Variants in PDS5A observed in about 807,000 individuals in gnomAD.
PDS5A encodes PDS5 cohesin associated factor A, also known as sister chromatid cohesion protein PDS5 homolog A.
Under a neutral mutation model 167.1 loss-of-function variants are expected in PDS5A, and 42 were observed. The ratio of observed to expected loss-of-function variants is 0.25; its 90% CI spans 0.20 to 0.33. The LOEUF (loss-of-function observed/expected upper bound fraction) is 0.33. Among genes scored for constraint, PDS5A ranks in the 10% least tolerant of loss-of-function variants. The pLI is 1.00. For synonymous variants in PDS5A, 553 were observed against 554.6 expected (o/e 1.00, Z 0.04); for missense variants, 1,033 against 1,605.9 (o/e 0.64, Z 6.10).
intron 17 of PDS5A, 26 bp downstream of exon 17, chr4:39,890,223 T>C (rs1440267134): frequency 8.3e-7 from 1 of 1,208,850 alleles, no homozygotes; most frequent in South Asian, 1.4e-5. Context: ...TTATTTATTT[T>C]TGAGCGAATA....
rs766980529 is a variant in PDS5A, at chr4:39,908,440, A to G, written c.1188T>C (p.Asn396=). The change falls in exon 11 of 33, where the codon AAT becomes AAC. Residue 396 remains asparagine, a synonymous_variant. Transcript: ENST00000303538. ...TAAKRDLALV[N]DQLLGFVRER... Reference sequence around the variant, plus strand: ...CCCTTACAAAGCCAAGCAGCTGATCATTTACTAAGGCCAGGTCCCTCTTGG... The same window carrying G: ...CCCTTACAAAGCCAAGCAGCTGATCGTTTACTAAGGCCAGGTCCCTCTTGG... The G allele has an allele frequency of 1.2e-6, 2 of 1,612,978 alleles. No individual in the cohort carries two copies. The highest frequency in any genetic ancestry group is 1.7e-6 in the Non-Finnish European group (2 of 1,179,006).
At chr4:39,850,314 C>G (rs928165144) in intron 26 of PDS5A, among the ~76,000 whole-genome samples, 1 of 150,274 alleles carries the variant, frequency 6.7e-6, no homozygotes, top group Non-Finnish European at 1.5e-5. Flanking sequence ...CTCGTGAGAC[C>G]CCATCTCTAC....
At chr4:39,943,978 C>T (rs1727491250) in intron 2 of PDS5A, among the ~76,000 whole-genome samples, 1 of 151,688 alleles carries the variant, frequency 6.6e-6, no homozygotes, top group Non-Finnish European at 1.5e-5. Context: ...GAGATTGAAA[C>T]CATCCTGGCT....
intron 2 of PDS5A, among the ~76,000 whole-genome samples, chr4:39,935,844 GCATTTAA>G (rs1726546184): frequency 6.6e-6 from 1 of 152,132 alleles, no homozygotes; most frequent in South Asian, 2.1e-4. Context: ...ATTTAAAGAT[GCATTTAA>G]CATTTAAGCC....
intron 21 of PDS5A, among the ~76,000 whole-genome samples, chr4:39,872,454 C>G (rs1010552100): frequency 2.6e-5 from 4 of 151,990 alleles, no homozygotes; most frequent in African/African-American, 7.2e-5. Context: ...CACCTGAGGT[C>G]AGGAGTTCAA....
chr4:39,922,088 G>A (rs1036921900), intron 6 of PDS5A, among the ~76,000 whole-genome samples: 4 of 152,176 alleles, frequency 2.6e-5, no homozygotes, highest in African/African-American at 9.7e-5. Flanking sequence ...GGGCAGCCAA[G>A]TCCTTCAGAT....
At chr4:39,898,917 C>A in intron 14 of PDS5A, 92 bp from the exon 15 acceptor site, 1 of 787,408 alleles carries the variant, frequency 1.3e-6, no homozygotes. Context: ...GTACATTTTT[C>A]ATGACGTTAA....
chr4:39,974,280 G>T, intron 2 of PDS5A: 2 of 539,876 alleles, frequency 3.7e-6, no homozygotes, highest in South Asian at 1.4e-5. Context: ...AATACTATGA[G>T]ACCAGCTTCT....
At chr4:39,906,666 C>T (rs559870012) in intron 11 of PDS5A, among the ~76,000 whole-genome samples, 7 of 150,544 alleles carry the variant, frequency 4.6e-5, no homozygotes, top group Non-Finnish European at 8.9e-5. Context: ...CCTGTAGTAC[C>T]AGCTATTCAG....
At chr4:39,839,529 A>G (rs1442996238) in intron 31 of PDS5A, among the ~76,000 whole-genome samples, 1 of 152,006 alleles carries the variant, frequency 6.6e-6, no homozygotes, top group Non-Finnish European at 1.5e-5. Flanking sequence ...AGATCGCGCC[A>G]CTGCACTTTA....
At chr4:39,827,780 C>T (rs1218929248) in intron 32 of PDS5A, among the ~76,000 whole-genome samples, 1 of 152,166 alleles carries the variant, frequency 6.6e-6, no homozygotes. Context: ...TGTTATCCTA[C>T]AGATATTCTC....
intron 32 of PDS5A, among the ~76,000 whole-genome samples, chr4:39,836,020 T>C (rs1015928206): frequency 2.0e-5 from 3 of 152,188 alleles, no homozygotes; most frequent in Admixed American, 6.5e-5. Flanking sequence ...TAACTGAAAA[T>C]GTATGTTAAG....
At chr4:39,840,625 A>T (rs1716907844) in intron 31 of PDS5A, among the ~76,000 whole-genome samples, 1 of 151,888 alleles carries the variant, frequency 6.6e-6, no homozygotes, top group Non-Finnish European at 1.5e-5. Flanking sequence ...GGAACTCCTG[A>T]CCTCAGGCGA....
At chr4:39,915,270 C>T (rs759856391) in intron 8 of PDS5A, among the ~76,000 whole-genome samples, 4 of 151,554 alleles carry the variant, frequency 2.6e-5, no homozygotes, top group Admixed American at 2.6e-4. Flanking sequence ...AACTCCTGGC[C>T]TCAGGCAAGC....
intron 2 of PDS5A, chr4:39,932,974 C>T (rs978871778): frequency 6.6e-6 from 1 of 152,266 alleles, no homozygotes; most frequent in South Asian, 2.1e-4. Context: ...TCGAGACCAT[C>T]CTGACCAACA....
chr4:39,844,350 CTGT>C (rs2109502413), intron 30 of PDS5A, among the ~76,000 whole-genome samples: 1 of 151,994 alleles, frequency 6.6e-6, no homozygotes, highest in East Asian at 1.9e-4. Context: ...TGGCAGGCGC[CTGT>C]AATTCCAGCT....
chr4:39,914,038 C>T (rs938473720), intron 8 of PDS5A, among the ~76,000 whole-genome samples: 16 of 152,060 alleles, frequency 1.1e-4, no homozygotes, highest in African/African-American at 3.1e-4. Flanking sequence ...CATTAAGAAC[C>T]CTATAAAAAC....
At chr4:39,883,471 A>G (rs2890711) in intron 17 of PDS5A, among the ~76,000 whole-genome samples, 52,185 of 152,088 alleles carry the variant, frequency 0.34, 9,961 homozygotes, top group East Asian at 0.66. Flanking sequence ...GTGAGCCACC[A>G]CACCCAGCCT....
intron 1 of PDS5A, 61 bp from the exon 2 acceptor site, chr4:39,976,678 T>C (rs1289702979): frequency 1.2e-6 from 1 of 856,718 alleles, no homozygotes; most frequent in Admixed American, 2.6e-5. Flanking sequence ...TCTTTTTTCA[T>C]TTCAAATCTC....
Sources: gnomAD v4.1 joint callset for allele counts (sites outside exome capture counted in the v4.1 genomes callset) on GRCh38, gnomAD v4.1.1 for gene constraint, MANE v1.5 for transcripts, NCBI Gene and HGNC (gene_info 2026-07-23, HGNC 2026-07-21) for gene names.